The following GLDC variants were observed in gnomAD, a reference collection of about 807,000 sequenced individuals.
GLDC encodes glycine decarboxylase.
GLDC carries 104 observed loss-of-function variants against 121.3 expected under a neutral mutation model. The ratio of observed to expected loss-of-function variants is 0.86; its 90% CI spans 0.73 to 1.01. The LOEUF (loss-of-function observed/expected upper bound fraction) is 1.01. Among genes scored for constraint, GLDC ranks in the 50% least tolerant of loss-of-function variants. The pLI is 0.00. For synonymous variants in GLDC, 546 were observed against 480.6 expected (o/e 1.14, Z -1.78); for missense variants, 1,429 against 1,306.6 (o/e 1.09, Z -1.44).
chr9:6,553,885 A>G (rs1170014444), intron 19 of GLDC, among the ~76,000 whole-genome samples: 2 of 152,132 alleles, frequency 1.3e-5, no homozygotes, highest in Admixed American at 6.5e-5. Flanking sequence ...ATGGGCTGAC[A>G]TGAACATCAT....
chr9:6,628,625 A>C (rs953517132), intron 2 of GLDC, among the ~76,000 whole-genome samples: 12 of 152,168 alleles, frequency 7.9e-5, no homozygotes, highest in African/African-American at 2.9e-4. Flanking sequence ...GTCTCTACAA[A>C]AAAAAAGTCA....
chr9:6,599,575 G>C lies in GLDC; in HGVS notation c.1155+2534C>G, dbSNP rs1587956178. On this transcript the variant is annotated intron_variant, in intron 8 of 24. Transcript: ENST00000321612. Reference sequence around the variant, plus strand: ...GTCTCTACTAAAAATAGAAAAATTAGTTGGGCATGGTGGCAGGCGCCTGTA... The same window carrying C: ...GTCTCTACTAAAAATAGAAAAATTACTTGGGCATGGTGGCAGGCGCCTGTA... Among the ~76,000 whole-genome samples the C allele has an allele frequency of 2.0e-5, 3 of 151,926 alleles. No individual in the cohort carries two copies. In the South Asian group the frequency reaches 6.2e-4, roughly 32 times the overall value.
At chr9:6,574,350 C>G (rs146094273) in intron 15 of GLDC, among the ~76,000 whole-genome samples, 3 of 152,002 alleles carry the variant, frequency 2.0e-5, no homozygotes, top group Admixed American at 2.0e-4. Flanking sequence ...GCCTGTAATT[C>G]CAGCTACTTG....
intron 2 of GLDC, among the ~76,000 whole-genome samples, chr9:6,637,965 AGGTGTCAG>A (rs1819541871): frequency 6.6e-6 from 1 of 151,266 alleles, no homozygotes; most frequent in Non-Finnish European, 1.5e-5. Flanking sequence ...CTGAGATTAC[AGGTGTCAG>A]CCTGTAATCT....
chr9:6,597,986 A>G lies in GLDC; in HGVS notation c.1156-2867T>C, dbSNP rs139685297. 2.4e-3 allele frequency among the ~76,000 whole-genome samples: 371 copies of G among 152,306 alleles called. 2 individuals carry two copies. The highest frequency in any genetic ancestry group is 8.7e-3 in the African/African-American group (361 of 41,574). On this transcript the variant is annotated intron_variant, in intron 8 of 24. Coordinates refer to ENST00000321612, the MANE Select transcript of GLDC (RefSeq NM_000170.3). Reference sequence around the variant, plus strand: ...AGAACAGAACATAATGAAAATTCAGACATCTGTAGTAATGCCACAAATTTA... The same window carrying G: ...AGAACAGAACATAATGAAAATTCAGGCATCTGTAGTAATGCCACAAATTTA...
chr9:6,558,641 C>G lies in GLDC; in HGVS notation c.1970G>C (p.Ser657Thr). Residue 657 changes from serine to threonine, a missense_variant, in exon 17 of 25, where the codon AGT becomes ACT. Physicochemically the swap from Ser to Thr is moderately conservative, Grantham distance 58. Coordinates refer to ENST00000321612, the MANE Select transcript of GLDC (RefSeq NM_000170.3). Reference sequence around the variant, plus strand: ...AATCTTCATGCCTGCCATGTGGGCACTTGCTGGGTTGGTCCCATGTGCTGA... The same window carrying G: ...AATCTTCATGCCTGCCATGTGGGCAGTTGCTGGGTTGGTCCCATGTGCTGA... ...PKSAHGTNPA[S>T]AHMAGMKIQP... The G allele has an allele frequency of 1.2e-6, 2 of 1,614,110 alleles. No individual in the cohort carries two copies. The highest frequency in any genetic ancestry group is 1.7e-6 in the Non-Finnish European group (2 of 1,179,962).
chr9:6,586,083 G>A (rs1010948970), intron 15 of GLDC, among the ~76,000 whole-genome samples: 4 of 152,098 alleles, frequency 2.6e-5, no homozygotes, highest in African/African-American at 7.2e-5. Context: ...ATCACCTGAG[G>A]TCAGGAGTTA....
At position 6,628,697 on chromosome 9, in the gene GLDC, C is replaced by T. The variant is rs553029959; in HGVS notation, c.335-8378G>A. Among the ~76,000 whole-genome samples the T allele has an allele frequency of 5.3e-5, 8 of 152,328 alleles. No homozygotes were observed. In the South Asian group the frequency reaches 1.5e-3, roughly 28 times the overall value. ...TGGAGGCTGCAGTGAGCAGTGATTG[C>T]ACCAATGCACTCCCACCTGGGTGAC... On this transcript the variant is annotated intron_variant, in intron 2 of 24. Coordinates refer to ENST00000321612, the MANE Select transcript of GLDC (RefSeq NM_000170.3).
At position 6,532,577 on chromosome 9, in the gene GLDC, A is replaced by G. The variant is rs531460735; in HGVS notation, c.*440T>C. On this transcript the variant is annotated 3_prime_UTR_variant, in exon 25 of 25. Coordinates refer to ENST00000321612, the MANE Select transcript of GLDC (RefSeq NM_000170.3). ...AGAAATGTGATTACAGATTAGGCAT[A>G]TTAGAGGAAAAAGAGTTCTTCAGGG... is the stretch of plus-strand genomic sequence containing the variant. 5.8e-6 allele frequency: 1 copy of G among 173,676 alleles called. No individual in the cohort carries two copies. Among genetic ancestry groups the G allele is most frequent in the African/African-American group, 2.4e-5 (1 of 41,932 alleles). The allele number at this position is 173,676 out of a possible 1,614,324, so 10.8% of individuals were successfully genotyped here. A position where few individuals can be genotyped will look rare whatever the true frequency, so the allele number is the denominator to read the frequency against.
chr9:6,620,230 A>T lies in GLDC; in HGVS notation c.424T>A (p.Ser142Thr). The T allele has an allele frequency of 6.2e-7, 1 of 1,613,584 alleles. No homozygotes were observed. Among genetic ancestry groups the T allele is most frequent in the Non-Finnish European group, 8.5e-7 (1 of 1,179,608 alleles). The change falls in exon 3 of 25, where the codon TCA (serine) becomes ACA (threonine). Residue 142 changes from serine (S) to threonine (T), a missense_variant. Physicochemically the swap from Ser to Thr is moderately conservative, Grantham distance 58. Coordinates refer to ENST00000321612, the MANE Select transcript of GLDC (RefSeq NM_000170.3). ...SYIGMGYYNC[S>T]VPQTILRNLL... is the part of the protein sequence containing the mutation. The stretch of plus-strand genomic sequence containing the variant: ...TTCCGCAAAATCGTCTGTGGCACTG[A>T]GCAGTTATAATAGCCCATGCCAATA...
intron 1 of GLDC, among the ~76,000 whole-genome samples, chr9:6,645,007 G>A (rs1323793595): frequency 6.6e-6 from 1 of 151,952 alleles, no homozygotes; most frequent in Non-Finnish European, 1.5e-5. Flanking sequence ...GCTGGGGGTG[G>A]TTTAAAAATG....
intron 8 of GLDC, among the ~76,000 whole-genome samples, chr9:6,601,581 T>C (rs1303606979): frequency 6.6e-6 from 1 of 152,160 alleles, no homozygotes; most frequent in Admixed American, 6.5e-5. Flanking sequence ...GGTGTACATA[T>C]AAAGAACACC....
At chr9:6,603,226 T>TA (rs1818654038) in intron 7 of GLDC, among the ~76,000 whole-genome samples, 1 of 145,428 alleles carries the variant, frequency 6.9e-6, no homozygotes, top group African/African-American at 2.6e-5. Context: ...AGACTCCGTC[T>TA]CAAAAAATAA....
chr9:6,611,102 A>C (rs770204806), intron 3 of GLDC, among the ~76,000 whole-genome samples: 3 of 152,242 alleles, frequency 2.0e-5, no homozygotes, highest in Non-Finnish European at 2.9e-5. Flanking sequence ...TCTACTTAAG[A>C]ATTCTCATTA....
intron 2 of GLDC, among the ~76,000 whole-genome samples, chr9:6,626,106 G>A (rs1271063678): frequency 6.6e-6 from 1 of 151,654 alleles, no homozygotes; most frequent in Non-Finnish European, 1.5e-5. Flanking sequence ...TTTGCTTGCA[G>A]ACTTTTGGAA....
rs1181944178 is a variant in GLDC at position 6,623,387 on chromosome 9, T to C, written c.335-3068A>G. 7.5e-5 allele frequency among the ~76,000 whole-genome samples: 11 copies of C among 146,666 alleles called. No homozygotes were observed. In the Admixed American group the frequency reaches 7.6e-4, roughly 10 times the overall value. ...TAAATGGATTAAGGGCGGTGCAAGA[T>C]GTGCTTTGTTAAACAGATGCTTGAA... is the stretch of plus-strand genomic sequence containing the variant. On this transcript the variant is annotated intron_variant, in intron 2 of 24. Transcript: ENST00000321612.
chr9:6,592,524 G>C (rs1818395319), intron 10 of GLDC, among the ~76,000 whole-genome samples: 1 of 152,158 alleles, frequency 6.6e-6, no homozygotes, highest in Non-Finnish European at 1.5e-5. Context: ...AGATATTGAG[G>C]AGATTTTCTT....
chr9:6,577,511 C>A (rs940752917), intron 15 of GLDC, among the ~76,000 whole-genome samples: 6 of 152,196 alleles, frequency 3.9e-5, no homozygotes, highest in Non-Finnish European at 7.3e-5. Context: ...AGTTGTTTCA[C>A]AATACGCATG....
chr9:6,631,318 C>G (rs1819372955), intron 2 of GLDC, among the ~76,000 whole-genome samples: 1 of 152,206 alleles, frequency 6.6e-6, no homozygotes. Flanking sequence ...GGTCCCTTGT[C>G]TCCGTATGAG....
Sources: allele counts gnomAD v4.1 joint callset (sites outside exome capture counted in the v4.1 genomes callset), GRCh38; gene constraint gnomAD v4.1.1; transcripts MANE v1.5; gene names NCBI Gene and HGNC (gene_info 2026-07-23, HGNC 2026-07-21).